Variants in LCLAT1 observed in about 807,000 individuals in gnomAD.
The protein encoded by LCLAT1 is lysocardiolipin acyltransferase 1.
LCLAT1 carries 11 observed loss-of-function variants against 30.7 expected under a neutral mutation model. That is an observed-to-expected ratio of 0.36 (90% confidence interval 0.23 to 0.59). The LOEUF (loss-of-function observed/expected upper bound fraction) is 0.59. LCLAT1 is among the 20% of genes least tolerant of loss of function. The pLI, the probability that LCLAT1 is intolerant of heterozygous loss-of-function variation, is 0.77. For missense variants in LCLAT1, 402 were observed against 458.6 expected (o/e 0.88, Z 1.13); for synonymous variants, 155 against 151.3 (o/e 1.02, Z -0.18).
chr2:30,535,678 C>G (rs1383636566), intron 3 of LCLAT1, among the ~76,000 whole-genome samples: 1 of 152,160 alleles, frequency 6.6e-6, no homozygotes, highest in African/African-American at 2.4e-5. Flanking sequence ...CCTATGAAAG[C>G]TATATCATAA....
chr2:30,469,147 A>G (rs1682633123), intron 1 of LCLAT1, among the ~76,000 whole-genome samples: 1 of 152,152 alleles, frequency 6.6e-6, no homozygotes. Context: ...TATTCTGGAT[A>G]CTAGACCCTT....
intron 3 of LCLAT1, among the ~76,000 whole-genome samples, chr2:30,543,598 A>G (rs1024923810): frequency 6.6e-6 from 1 of 152,076 alleles, no homozygotes; most frequent in African/African-American, 2.4e-5. Context: ...TACAAACTCA[A>G]TTTTTTGAGT....
chr2:30,573,313 G>GC (rs1385410210), intron 5 of LCLAT1, among the ~76,000 whole-genome samples: 11 of 152,160 alleles, frequency 7.2e-5, no homozygotes, highest in Non-Finnish European at 1.5e-4. Context: ...TCATACAGCT[G>GC]CTCAGCTGGA....
chr2:30,561,690 G>C (rs879401064), intron 3 of LCLAT1, among the ~76,000 whole-genome samples: 4 of 152,156 alleles, frequency 2.6e-5, no homozygotes, highest in Non-Finnish European at 4.4e-5. Flanking sequence ...AGAGACTTGA[G>C]TGGTATCAGA....
In LCLAT1 at chr2:30,539,109, G is replaced by A. The variant is rs191120745; in HGVS notation, c.364+5795G>A. ...GGAGTAGCTGGGACTACAGGCGCAC[G>A]CCACCACGCCCAGCTAATTTTTGTA... On this transcript the variant is annotated intron_variant, in intron 3 of 5. Transcript: ENST00000379509. Among the ~76,000 whole-genome samples the A allele has an allele frequency of 6.3e-3, 958 of 151,900 alleles. 3 individuals carry two copies. The highest frequency in any genetic ancestry group is 0.011 in the Non-Finnish European group (772 of 67,942).
At chr2:30,604,457 G>A (rs1386971071) in intron 5 of LCLAT1, among the ~76,000 whole-genome samples, 1 of 152,002 alleles carries the variant, frequency 6.6e-6, no homozygotes, top group East Asian at 1.9e-4. Flanking sequence ...TAATTCTGTT[G>A]TACTGCAAAT....
chr2:30,516,117 G>T (rs967675364), intron 1 of LCLAT1, among the ~76,000 whole-genome samples: 1 of 152,180 alleles, frequency 6.6e-6, no homozygotes, highest in African/African-American at 2.4e-5. Flanking sequence ...CTAAAAGCAG[G>T]AGGTAAAGAA....
At chr2:30,586,272 AATTT>A (rs1369444940) in intron 5 of LCLAT1, among the ~76,000 whole-genome samples, 4 of 149,904 alleles carry the variant, frequency 2.7e-5, no homozygotes, top group Non-Finnish European at 5.9e-5. Context: ...ACCCAGTAGG[AATTT>A]ATTCTCTCAC....
At chr2:30,528,232 G>A (rs927336441) in intron 2 of LCLAT1, among the ~76,000 whole-genome samples, 3 of 151,926 alleles carry the variant, frequency 2.0e-5, no homozygotes, top group Non-Finnish European at 4.4e-5. Context: ...TTTTTTTTCT[G>A]GGCAGCCATG....
At chr2:30,548,623 T>A (rs1203295399) in intron 3 of LCLAT1, among the ~76,000 whole-genome samples, 1 of 152,090 alleles carries the variant, frequency 6.6e-6, no homozygotes, top group East Asian at 1.9e-4. Context: ...ATGTTTCTTA[T>A]CAGATTTAAA....
Position 30,542,049 on chromosome 2 carries a change from T to A in LCLAT1, c.364+8735T>A, listed in dbSNP as rs192296423. 1.7e-3 allele frequency among the ~76,000 whole-genome samples: 254 copies of A among 152,348 alleles called. 1 individual carries two copies. Among genetic ancestry groups the A allele is most frequent in the African/African-American group, 5.7e-3 (236 of 41,584 alleles). On this transcript the variant is annotated intron_variant, in intron 3 of 5. Transcript: ENST00000379509. ...ATGATGTTTCTAGTCATATCTTTTC[T>A]CCTTTATTTATGGGTTGTTTCTTCT...
intron 5 of LCLAT1, among the ~76,000 whole-genome samples, chr2:30,610,420 G>A (rs955154652): frequency 6.6e-6 from 1 of 152,116 alleles, no homozygotes; most frequent in African/African-American, 2.4e-5. Context: ...TTCTGATTAA[G>A]ATAGCTCCAT....
chr2:30,597,746 C>T (rs748596836), intron 5 of LCLAT1, among the ~76,000 whole-genome samples: 4 of 152,110 alleles, frequency 2.6e-5, no homozygotes, highest in Non-Finnish European at 4.4e-5. Flanking sequence ...ATGCTTCCAG[C>T]TTTTGCCCAT....
chr2:30,448,466 CTT>C (rs1267804648), intron 1 of LCLAT1, among the ~76,000 whole-genome samples: 3 of 152,124 alleles, frequency 2.0e-5, no homozygotes, highest in South Asian at 4.1e-4. Flanking sequence ...TGTTAACTGA[CTT>C]TTGTTTTTGG....
chr2:30,516,847 T>A (rs1685208309), intron 1 of LCLAT1, among the ~76,000 whole-genome samples: 1 of 152,214 alleles, frequency 6.6e-6, no homozygotes, highest in South Asian at 2.1e-4. Flanking sequence ...TTAGCATGGC[T>A]GCTGGACTTA....
At chr2:30,601,422 C>CG (rs768145692) in intron 5 of LCLAT1, among the ~76,000 whole-genome samples, 4 of 152,000 alleles carry the variant, frequency 2.6e-5, no homozygotes, top group Non-Finnish European at 4.4e-5. Flanking sequence ...TTTTTCAACA[C>CG]TAAGTAAGTT....
intron 1 of LCLAT1, among the ~76,000 whole-genome samples, chr2:30,465,876 G>A (rs1021878801): frequency 2.0e-5 from 3 of 152,082 alleles, no homozygotes; most frequent in Non-Finnish European, 2.9e-5. Context: ...TTAACAGAAA[G>A]AATTTCAAGT....
intron 1 of LCLAT1, among the ~76,000 whole-genome samples, chr2:30,502,266 A>T (rs1684438639): frequency 6.6e-6 from 1 of 152,134 alleles, no homozygotes; most frequent in African/African-American, 2.4e-5. Flanking sequence ...AGGTATTCTT[A>T]CAATTTCTCT....
At chr2:30,557,775 G>A (rs1276396521) in intron 3 of LCLAT1, among the ~76,000 whole-genome samples, 1 of 152,102 alleles carries the variant, frequency 6.6e-6, no homozygotes, top group Non-Finnish European at 1.5e-5. Context: ...GTAGGATTGA[G>A]GGAAGTGGTG....
Sources: allele counts gnomAD v4.1 joint callset (sites outside exome capture counted in the v4.1 genomes callset), GRCh38; gene constraint gnomAD v4.1.1; transcripts MANE v1.5; gene names NCBI Gene and HGNC (gene_info 2026-07-23, HGNC 2026-07-21).